The following HSD17B12 variants were observed in gnomAD, a reference collection of about 807,000 sequenced individuals.
HSD17B12 encodes hydroxysteroid 17-beta dehydrogenase 12, also known as very-long-chain 3-oxoacyl-CoA reductase.
In HSD17B12, 32 loss-of-function variants were observed where a neutral mutation model predicts 39.3. The observed-to-expected ratio is 0.81, with a 90% CI of 0.61 to 1.09. HSD17B12 has a LOEUF of 1.09. HSD17B12 is among the 50% of genes least tolerant of loss of function. The pLI is 0.00. For missense variants in HSD17B12, 342 were observed against 382.9 expected (o/e 0.89, Z 0.89); for synonymous variants, 150 against 146.7 (o/e 1.02, Z -0.16).
the HSD17B12 span, among the ~76,000 whole-genome samples, chr11:43,619,170 T>TATC: frequency 1.3e-5 from 1 of 79,200 alleles, no homozygotes; most frequent in Non-Finnish European, 2.9e-5. Context: ...ATATGATATA[T>TATC]ATATATATAT....
chr11:43,619,471 C>T, the HSD17B12 span, among the ~76,000 whole-genome samples: 1 of 149,176 alleles, frequency 6.7e-6, no homozygotes, highest in Non-Finnish European at 1.5e-5. Flanking sequence ...CTCACTGAAA[C>T]ATCCACCTCC....
rs192051657 is a variant in HSD17B12, at chr11:43,743,436, A to C, written c.161-7475A>C. ...ACACCTGAGTCCTCATAGTGGGGCCACCATTGGGAAACAAGCAAGTTTTGT... is the reference window on the plus strand; with the variant it reads ...ACACCTGAGTCCTCATAGTGGGGCCCCCATTGGGAAACAAGCAAGTTTTGT... On this transcript the variant is annotated intron_variant, in intron 1 of 10. Coordinates refer to ENST00000278353, the MANE Select transcript of HSD17B12 (RefSeq NM_016142.3). Among the ~76,000 whole-genome samples, 4 of 152,300 alleles carry C rather than the reference A, an allele frequency of 2.6e-5. No homozygotes were observed. In the East Asian group the frequency reaches 7.7e-4, roughly 29 times the overall value.
At chr11:43,778,366 C>G (rs892765648) in intron 3 of HSD17B12, among the ~76,000 whole-genome samples, 13 of 152,138 alleles carry the variant, frequency 8.5e-5, no homozygotes, top group African/African-American at 3.1e-4. Flanking sequence ...CAAAAGGAGT[C>G]CAGGACCAGA....
At chr11:43,828,623 T>G (rs1183166395) in intron 6 of HSD17B12, among the ~76,000 whole-genome samples, 1 of 152,108 alleles carries the variant, frequency 6.6e-6, no homozygotes, top group Non-Finnish European at 1.5e-5. Context: ...GAACAAAAAT[T>G]TTTCTGGTGC....
intron 3 of HSD17B12, among the ~76,000 whole-genome samples, chr11:43,778,009 C>T (rs1039208194): frequency 2.6e-4 from 39 of 151,786 alleles, no homozygotes; most frequent in Non-Finnish European, 5.2e-4. Context: ...GAAATAGAGA[C>T]ACAAAAAAAC....
chr11:43,855,108 C>T lies in HSD17B12; in HGVS notation c.835-36C>T, dbSNP rs200902965. 1.4e-5 allele frequency: 20 copies of T among 1,390,008 alleles called. No individual in the cohort carries two copies. The East Asian group carries it at 3.2e-4, about 22-fold the overall frequency. 86.1% of individuals were successfully genotyped at this position (1,390,008 alleles called of 1,614,324 possible). On this transcript the variant is annotated intron_variant, in intron 10 of 10. Transcript: ENST00000278353. ...GCTTCAATTTAGCCCAAATTGTAGG[C>T]TATAATTACATATCTCTCTCATTCT...
chr11:43,800,276 G>A (rs759757636), intron 4 of HSD17B12, among the ~76,000 whole-genome samples: 16 of 152,214 alleles, frequency 1.1e-4, no homozygotes, highest in Non-Finnish European at 2.2e-4. Context: ...GCTTAGGCTG[G>A]AAGGGAGATT....
rs1261445460 is a variant in HSD17B12, at chr11:43,856,330, T to C, written c.*1082T>C. 5.3e-5 allele frequency: 8 copies of C among 152,176 alleles called. No individual in the cohort carries two copies. Among genetic ancestry groups the C allele is most frequent in the Admixed American group, 4.6e-4 (7 of 15,280 alleles). 9.4% of individuals were successfully genotyped at this position (152,176 alleles called of 1,614,324 possible). On this transcript the variant is annotated 3_prime_UTR_variant, in exon 11 of 11. Transcript: ENST00000278353. The stretch of plus-strand genomic sequence containing the variant: ...AGAAAGAATTCAATACTGTGAAATA[T>C]GCAGCAAGAAGATTGGTCTTTACCT...
At chr11:43,567,449 C>T in the HSD17B12 span, among the ~76,000 whole-genome samples, 2 of 152,236 alleles carry the variant, frequency 1.3e-5, no homozygotes, top group Admixed American at 1.3e-4. Flanking sequence ...AGGTCCTGTG[C>T]TGAGGTCTCC....
intron 1 of HSD17B12, among the ~76,000 whole-genome samples, chr11:43,731,464 G>A (rs945850752): frequency 2.0e-5 from 3 of 152,186 alleles, no homozygotes; most frequent in Non-Finnish European, 4.4e-5. Flanking sequence ...TATTAGACCT[G>A]AGTTATATAC....
At chr11:43,685,094 A>T (rs1949786088) in intron 1 of HSD17B12, among the ~76,000 whole-genome samples, 1 of 152,238 alleles carries the variant, frequency 6.6e-6, no homozygotes, top group African/African-American at 2.4e-5. Context: ...TCACAAAAAA[A>T]GTCTTCAACC....
the HSD17B12 span, among the ~76,000 whole-genome samples, chr11:43,656,473 G>C: frequency 1.3e-4 from 20 of 152,140 alleles, no homozygotes; most frequent in East Asian, 3.7e-3. Flanking sequence ...TGCTTCTCTA[G>C]GTCTTTTAAT....
the HSD17B12 span, among the ~76,000 whole-genome samples, chr11:43,573,175 G>A: frequency 6.6e-6 from 1 of 152,194 alleles, no homozygotes; most frequent in African/African-American, 2.4e-5. Flanking sequence ...CCTTGGACAG[G>A]TTCCACATCA....
chr11:43,810,274 C>T (rs1290575314), intron 4 of HSD17B12, among the ~76,000 whole-genome samples: 7 of 151,104 alleles, frequency 4.6e-5, no homozygotes. Flanking sequence ...AGATCAGCAG[C>T]AAACGAACTT....
intron 3 of HSD17B12, among the ~76,000 whole-genome samples, chr11:43,796,316 G>A (rs1161420378): frequency 3.3e-5 from 5 of 151,882 alleles, no homozygotes; most frequent in Non-Finnish European, 5.9e-5. Flanking sequence ...CTACTAAGGA[G>A]GCTTAAGCCC....
the HSD17B12 span, among the ~76,000 whole-genome samples, chr11:43,619,226 A>ATT: frequency 0.035 from 1,284 of 36,270 alleles, 25 homozygotes; most frequent in South Asian, 0.066. Flanking sequence ...ATATATATAT[A>ATT]TGATATATAT....
chr11:43,619,183 A>AAT, the HSD17B12 span, among the ~76,000 whole-genome samples: 54 of 75,572 alleles, frequency 7.1e-4, no homozygotes, highest in African/African-American at 1.7e-3. Context: ...ATATATATAA[A>AAT]ATATATATAT....
At chr11:43,758,817 A>G (rs1055275097) in intron 3 of HSD17B12, among the ~76,000 whole-genome samples, 1 of 152,180 alleles carries the variant, frequency 6.6e-6, no homozygotes, top group African/African-American at 2.4e-5. Flanking sequence ...ATTACAATTA[A>G]CAGCCAGGGT....
chr11:43,650,720 G>C, the HSD17B12 span, among the ~76,000 whole-genome samples: 1 of 152,142 alleles, frequency 6.6e-6, no homozygotes, highest in East Asian at 1.9e-4. Flanking sequence ...GGAATACATA[G>C]GTAAAATATG....
Sources: gnomAD v4.1 joint callset for allele counts (sites outside exome capture counted in the v4.1 genomes callset) on GRCh38, gnomAD v4.1.1 for gene constraint, MANE v1.5 for transcripts, NCBI Gene and HGNC (gene_info 2026-07-23, HGNC 2026-07-21) for gene names.